The following TMEM108 variants were observed in gnomAD, a reference collection of about 807,000 sequenced individuals.
TMEM108 encodes cancer/testis antigen 124.
Under a neutral mutation model 35.1 loss-of-function variants are expected in TMEM108, and 12 were observed. That is an observed-to-expected ratio of 0.34 (90% CI 0.22 to 0.55). The LOEUF (loss-of-function observed/expected upper bound fraction) is 0.55, where lower values mean the gene tolerates loss of function less well. TMEM108 is among the 20% of genes least tolerant of loss of function. TMEM108 has a pLI of 0.89. For missense variants in TMEM108, 680 were observed against 753.3 expected, an observed-to-expected ratio of 0.90 and a Z score of 1.14; for synonymous variants, 287 against 308.6, an observed-to-expected ratio of 0.93 and a Z score of 0.73.
chr3:133,309,998 C>T (rs59311401), intron 3 of TMEM108, among the ~76,000 whole-genome samples: 3,114 of 152,192 alleles, frequency 0.02, 95 homozygotes, highest in African/African-American at 0.07. Context: ...CCGCGCCCGG[C>T]CTTGAGTGAG....
chr3:133,138,747 A>G (rs1473109838), intron 2 of TMEM108, among the ~76,000 whole-genome samples: 1 of 151,920 alleles, frequency 6.6e-6, no homozygotes, highest in African/African-American at 2.4e-5. Context: ...TGCAGGGGCC[A>G]TTTGTACTAA....
At chr3:133,154,105 TCATATC>T (rs1011736458) in intron 2 of TMEM108, among the ~76,000 whole-genome samples, 7 of 152,188 alleles carry the variant, frequency 4.6e-5, no homozygotes, top group Admixed American at 2.6e-4. Flanking sequence ...AAGTGTCTGT[TCATATC>T]CATCGCCCAC....
chr3:133,044,961 C>CT (rs11444221), intron 1 of TMEM108, among the ~76,000 whole-genome samples: 60,743 of 142,688 alleles, frequency 0.43, 13,978 homozygotes, highest in Non-Finnish European at 0.53. Flanking sequence ...TGAAGTGCTG[C>CT]TTTTTTTTTT....
intron 2 of TMEM108, among the ~76,000 whole-genome samples, chr3:133,083,794 T>C (rs1943845379): frequency 6.6e-6 from 1 of 152,130 alleles, no homozygotes; most frequent in Non-Finnish European, 1.5e-5. Flanking sequence ...AGTCATGTAA[T>C]TGGGGGGTGA....
chr3:133,232,901 A>G (rs1189345321), intron 3 of TMEM108, among the ~76,000 whole-genome samples: 3 of 152,158 alleles, frequency 2.0e-5, no homozygotes, highest in Non-Finnish European at 4.4e-5. Context: ...TTATATAAAA[A>G]CCAGATACTG....
intron 3 of TMEM108, among the ~76,000 whole-genome samples, chr3:133,296,928 T>A (rs1947153679): frequency 6.6e-6 from 1 of 152,130 alleles, no homozygotes; most frequent in Admixed American, 6.5e-5. Context: ...CCTAGTGATA[T>A]CAACTATCCC....
chr3:133,092,323 C>G (rs1475286691), intron 2 of TMEM108, among the ~76,000 whole-genome samples: 1 of 152,178 alleles, frequency 6.6e-6, no homozygotes, highest in Non-Finnish European at 1.5e-5. Flanking sequence ...TGAAACATCT[C>G]CAGTGTTTCC....
chr3:133,123,782 T>C (rs1944382320), intron 2 of TMEM108, among the ~76,000 whole-genome samples: 2 of 152,260 alleles, frequency 1.3e-5, no homozygotes, highest in South Asian at 4.1e-4. Flanking sequence ...TAAAAGATAG[T>C]GTCCACCCAT....
intron 3 of TMEM108, among the ~76,000 whole-genome samples, chr3:133,315,245 G>A (rs1210382771): frequency 6.6e-6 from 1 of 152,212 alleles, no homozygotes; most frequent in Admixed American, 6.5e-5. Context: ...CAGTGGTTCA[G>A]TAACTTGCCT....
At chr3:133,139,838 C>T (rs1466064371) in intron 2 of TMEM108, among the ~76,000 whole-genome samples, 1 of 152,168 alleles carries the variant, frequency 6.6e-6, no homozygotes, top group Non-Finnish European at 1.5e-5. Flanking sequence ...TCTGATAGTA[C>T]CCTGGGCACT....
At chr3:133,254,602 C>T (rs1450158732) in intron 3 of TMEM108, among the ~76,000 whole-genome samples, 1 of 151,942 alleles carries the variant, frequency 6.6e-6, no homozygotes, top group Non-Finnish European at 1.5e-5. Context: ...AAGCAAGACT[C>T]AGCAAAAGGG....
chr3:133,055,819 G>A (rs1439818163), intron 2 of TMEM108, among the ~76,000 whole-genome samples: 3 of 152,180 alleles, frequency 2.0e-5, no homozygotes, highest in African/African-American at 7.2e-5. Context: ...GGAGGAATAT[G>A]CTTCCCTGAC....
rs1362342439 is a variant in TMEM108 at position 133,397,607 on chromosome 3, G to A, written c.*1621G>A. On this transcript the variant is annotated 3_prime_UTR_variant, in exon 6 of 6. Coordinates refer to ENST00000321871, the MANE Select transcript of TMEM108 (RefSeq NM_023943.4). ...TGTTACATTTAATATACCAATGTGT[G>A]TAAGTATACAGAGAAAAATCTGTTT... 1.3e-5 allele frequency: 2 copies of A among 152,092 alleles called. No individual in the cohort carries two copies. The highest frequency in any genetic ancestry group is 4.8e-5 in the African/African-American group (2 of 41,416). The allele number at this position is 152,092 out of a possible 1,614,324, so 9.4% of individuals were successfully genotyped here.
chr3:133,227,278 C>T (rs1946087394), intron 2 of TMEM108, among the ~76,000 whole-genome samples: 3 of 149,816 alleles, frequency 2.0e-5, no homozygotes, highest in East Asian at 4.0e-4. Flanking sequence ...CTGCAGGCTC[C>T]GCCCCCTGGG....
intron 1 of TMEM108, among the ~76,000 whole-genome samples, chr3:133,042,933 G>C (rs1943291973): frequency 6.6e-6 from 1 of 152,180 alleles, no homozygotes; most frequent in South Asian, 2.1e-4. Flanking sequence ...CCTTAATGTA[G>C]GGCTTTAAAG....
intron 3 of TMEM108, among the ~76,000 whole-genome samples, chr3:133,362,553 A>C (rs1414708475): frequency 6.6e-6 from 1 of 152,214 alleles, no homozygotes; most frequent in Non-Finnish European, 1.5e-5. Flanking sequence ...ATCAGCTGTA[A>C]CGCATTCATT....
At chr3:133,324,845 G>A (rs757477864) in intron 3 of TMEM108, among the ~76,000 whole-genome samples, 11 of 152,072 alleles carry the variant, frequency 7.2e-5, no homozygotes, top group East Asian at 1.9e-4. Flanking sequence ...GCATGGTGGC[G>A]GGCACCTGCG....
At chr3:133,309,010 G>A (rs1281581131) in intron 3 of TMEM108, among the ~76,000 whole-genome samples, 2 of 151,954 alleles carry the variant, frequency 1.3e-5, no homozygotes, top group Non-Finnish European at 2.9e-5. Flanking sequence ...TTTGGTTGGT[G>A]GGCTATTAAT....
At chr3:133,041,848 A>C (rs1295348378) in intron 1 of TMEM108, 1 of 152,366 alleles carries the variant, frequency 6.6e-6, no homozygotes, top group East Asian at 1.9e-4. Context: ...AAACCTGAAC[A>C]GTAGCTGGTA....
Sources: allele counts gnomAD v4.1 joint callset (sites outside exome capture counted in the v4.1 genomes callset), GRCh38; gene constraint gnomAD v4.1.1; transcripts MANE v1.5; gene names NCBI Gene and HGNC (gene_info 2026-07-23, HGNC 2026-07-21).